Variants in RAB1A observed in about 807,000 individuals in gnomAD.
The protein encoded by RAB1A is ras-related protein Rab-1A.
RAB1A carries 2 observed loss-of-function variants against 26.0 expected under a neutral mutation model. That is an observed-to-expected ratio of 0.08 (90% CI 0.03 to 0.24). The LOEUF is 0.24. RAB1A is among the 10% of genes least tolerant of loss of function. The probability of loss-of-function intolerance (pLI) is 1.00; values close to 1 mark genes in which losing one functional copy is unlikely to be tolerated. For synonymous variants in RAB1A, 84 were observed against 84.9 expected (o/e 0.99, Z 0.06); for missense variants, 100 against 247.0 (o/e 0.40, Z 3.99).
intron 1 of RAB1A, among the ~76,000 whole-genome samples, chr2:65,121,794 G>A (rs1669968662): frequency 6.6e-6 from 1 of 152,124 alleles, no homozygotes; most frequent in Admixed American, 6.6e-5. Context: ...GCGGGGGCCG[G>A]GGGGGAGTCT....
chr2:65,098,495 G>A (rs780507456), intron 2 of RAB1A, among the ~76,000 whole-genome samples: 4 of 151,742 alleles, frequency 2.6e-5, no homozygotes, highest in Admixed American at 2.0e-4. Context: ...ATTTCACTCC[G>A]CTTTTTCTTA....
chr2:65,096,178 G>C lies in RAB1A; in HGVS notation c.192+1793C>G, dbSNP rs189324347. On this transcript the variant is annotated intron_variant, in intron 3 of 5. Coordinates refer to ENST00000409784, the MANE Select transcript of RAB1A (RefSeq NM_004161.5). ...AAAAAAAAAAAAATTGTCCGGGCATGGTGGTACACACATATAATCCCAGCT... is the reference window on the plus strand; with the variant it reads ...AAAAAAAAAAAAATTGTCCGGGCATCGTGGTACACACATATAATCCCAGCT... Among the ~76,000 whole-genome samples, 7 of 151,416 alleles carry C rather than the reference G, an allele frequency of 4.6e-5. No individual in the cohort carries two copies. The East Asian group carries it at 9.7e-4, about 21-fold the overall frequency.
intron 2 of RAB1A, among the ~76,000 whole-genome samples, chr2:65,102,924 T>C (rs1176086697): frequency 7.1e-6 from 1 of 140,478 alleles, no homozygotes; most frequent in Non-Finnish European, 1.5e-5. Flanking sequence ...ATATTCCATC[T>C]CAAAAAAAAA....
intron 3 of RAB1A, among the ~76,000 whole-genome samples, chr2:65,091,752 T>C (rs1669177400): frequency 6.6e-6 from 1 of 152,158 alleles, no homozygotes; most frequent in Admixed American, 6.5e-5. Flanking sequence ...CTCAAATTCC[T>C]GGACTCAAGC....
At chr2:65,121,235 GA>G (rs34280362) in intron 1 of RAB1A, among the ~76,000 whole-genome samples, 161 of 91,400 alleles carry the variant, frequency 1.8e-3, no homozygotes, top group East Asian at 0.015. Context: ...ATCATGTCTC[GA>G]AAAAAAAAAA....
intron 1 of RAB1A, among the ~76,000 whole-genome samples, chr2:65,123,165 G>A (rs1191194329): frequency 6.7e-6 from 1 of 149,164 alleles, no homozygotes; most frequent in African/African-American, 2.5e-5. Flanking sequence ...TAGCACATAC[G>A]TAAATTTTTT....
rs1344346808 is a variant in RAB1A at position 65,087,771 on chromosome 2, T to C, written c.*722A>G. 6.5e-6 allele frequency: 1 copy of C among 152,682 alleles called. No individual in the cohort carries two copies. The highest frequency in any genetic ancestry group is 1.5e-5 in the Non-Finnish European group (1 of 68,044). 9.5% of individuals were successfully genotyped at this position (152,682 alleles called of 1,614,324 possible). The stretch of plus-strand genomic sequence containing the variant: ...GCTCTAAGATAGGTCTAGAATACCT[T>C]AGTTTGCATTGTGCACACACAAATG... On this transcript the variant is annotated 3_prime_UTR_variant, in exon 6 of 6. Coordinates refer to ENST00000409784, the MANE Select transcript of RAB1A (RefSeq NM_004161.5).
intron 1 of RAB1A, among the ~76,000 whole-genome samples, chr2:65,127,281 A>G (rs1233681359): frequency 1.3e-5 from 2 of 151,932 alleles, no homozygotes; most frequent in Non-Finnish European, 2.9e-5. Flanking sequence ...TGTTCCTCCA[A>G]ATCTAATTGC....
chr2:65,101,681 A>C (rs1330044044), intron 2 of RAB1A, among the ~76,000 whole-genome samples: 1 of 149,692 alleles, frequency 6.7e-6, no homozygotes, highest in Non-Finnish European at 1.5e-5. Flanking sequence ...AAAGGCCTTT[A>C]ATTACAAATA....
chr2:65,103,462 G>C (rs887649354), intron 2 of RAB1A, among the ~76,000 whole-genome samples: 14 of 152,038 alleles, frequency 9.2e-5, no homozygotes, highest in Non-Finnish European at 2.9e-5. Context: ...GTTCCTGTGA[G>C]GGCACAGAGG....
intron 1 of RAB1A, among the ~76,000 whole-genome samples, chr2:65,105,826 G>A (rs1317230707): frequency 6.6e-6 from 1 of 151,752 alleles, no homozygotes; most frequent in African/African-American, 2.4e-5. Context: ...GCAGTGGCGC[G>A]ATCTCGGCTC....
At chr2:65,103,304 A>AAAAAAAAT (rs1553392771) in intron 2 of RAB1A, among the ~76,000 whole-genome samples, 1 of 112,502 alleles carries the variant, frequency 8.9e-6, no homozygotes, top group Non-Finnish European at 1.8e-5. Flanking sequence ...TGTCTCAAAA[A>AAAAAAAAT]AAAAAAAAAA....
At chr2:65,129,525 C>T (rs970729518) in intron 1 of RAB1A, among the ~76,000 whole-genome samples, 1 of 150,944 alleles carries the variant, frequency 6.6e-6, no homozygotes, top group Non-Finnish European at 1.5e-5. Flanking sequence ...GAAGGGCTCT[C>T]CCACCCCATC....
intron 1 of RAB1A, among the ~76,000 whole-genome samples, chr2:65,127,099 ATT>A (rs1670117535): frequency 6.6e-6 from 1 of 152,184 alleles, no homozygotes; most frequent in African/African-American, 2.4e-5. Context: ...ATACCCATGT[ATT>A]TGATCCCAGA....
chr2:65,121,538 C>A (rs554117813), intron 1 of RAB1A, among the ~76,000 whole-genome samples: 11 of 152,288 alleles, frequency 7.2e-5, no homozygotes, highest in Non-Finnish European at 1.6e-4. Context: ...CCCTATCTCT[C>A]ACATGTTTCA....
chr2:65,122,042 G>T (rs1669973851), intron 1 of RAB1A, among the ~76,000 whole-genome samples: 1 of 151,802 alleles, frequency 6.6e-6, no homozygotes, highest in Non-Finnish European at 1.5e-5. Context: ...TGTAGTCCCA[G>T]TTACTCAGGA....
chr2:65,096,958 TC>T (rs527949892), intron 3 of RAB1A, among the ~76,000 whole-genome samples: 14 of 152,212 alleles, frequency 9.2e-5, no homozygotes, highest in Non-Finnish European at 1.9e-4. Context: ...AATTAGTAAA[TC>T]AGGTGTCATC....
At chr2:65,102,851 G>A (rs985119357) in intron 2 of RAB1A, among the ~76,000 whole-genome samples, 2 of 151,422 alleles carry the variant, frequency 1.3e-5, no homozygotes, top group Non-Finnish European at 2.9e-5. Context: ...GCTTGAACCC[G>A]AGAAGCGGAG....
chr2:65,090,172 C>A (rs1669138745), intron 4 of RAB1A, among the ~76,000 whole-genome samples: 1 of 152,118 alleles, frequency 6.6e-6, no homozygotes, highest in Non-Finnish European at 1.5e-5. Context: ...TTTAAACTAG[C>A]ATCATTTTTT....
Sources: allele counts gnomAD v4.1 joint callset (sites outside exome capture counted in the v4.1 genomes callset), GRCh38; gene constraint gnomAD v4.1.1; transcripts MANE v1.5; gene names NCBI Gene and HGNC (gene_info 2026-07-23, HGNC 2026-07-21).